Variants in MICAL3 observed in about 807,000 individuals in gnomAD.
MICAL3 encodes the protein [F-actin]-monooxygenase MICAL3.
MICAL3 carries 62 observed loss-of-function variants against 207.4 expected under a neutral mutation model. The observed-to-expected ratio is 0.30, with a 90% CI of 0.24 to 0.37. MICAL3 has a LOEUF of 0.37. Among genes scored for constraint, MICAL3 ranks in the 10% least tolerant of loss-of-function variants. The probability of loss-of-function intolerance (pLI) is 1.00; values close to 1 mark genes in which losing one functional copy is unlikely to be tolerated. For synonymous variants in MICAL3, 1,077 were observed against 1,069.3 expected (o/e 1.01, Z -0.14); for missense variants, 2,368 against 2,635.6 (o/e 0.90, Z 2.22).
chr22:17,882,778 A>G (rs1017051683), intron 16 of MICAL3, among the ~76,000 whole-genome samples: 1 of 152,168 alleles, frequency 6.6e-6, no homozygotes, highest in African/African-American at 2.4e-5. Flanking sequence ...ACATCTGCCC[A>G]GCTACTGTCT....
chr22:17,818,210 G>C lies in MICAL3; in HGVS notation c.4451C>G (p.Ser1484Trp), dbSNP rs949530829. 1 of 1,549,934 alleles carries C rather than the reference G, an allele frequency of 6.5e-7. No homozygotes were observed. Among genetic ancestry groups the C allele is most frequent in the Non-Finnish European group, 8.7e-7 (1 of 1,154,440 alleles). The change falls in exon 26 of 32, where the codon TCG (serine) becomes TGG (tryptophan). Residue 1484 changes from serine to tryptophan, a missense_variant. Around this residue, in one of 4 missense-constraint regions of MICAL3, gnomAD observed 1,770 missense variants for 1,863.2 expected, o/e 0.95. Coordinates refer to ENST00000441493, the MANE Select transcript of MICAL3 (RefSeq NM_015241.3). ...RKLREAEPNA[S>W]VVPPPLPATW... ...GGCGGGCAAGGGCGGCGGGACCACC[G>C]AGGCATTGGGCTCGGCCTCCCTGAG...
chr22:17,874,080 C>T (rs1485850468), intron 16 of MICAL3, among the ~76,000 whole-genome samples: 5 of 152,288 alleles, frequency 3.3e-5, no homozygotes, highest in Admixed American at 1.3e-4. Context: ...GGGAAGCAGG[C>T]GCTCGAGGGG....
In MICAL3 at chr22:17,899,333, T is replaced by C. The variant is rs749228599; in HGVS notation, c.948+115A>G. ...GAAAACATCAGGGGTTACCAGAAGA[T>C]GCATTCAGTGCTCATTTTCATTCCC... On this transcript the variant is annotated intron_variant, in intron 7 of 31. Coordinates refer to ENST00000441493, the MANE Select transcript of MICAL3 (RefSeq NM_015241.3). The C allele has an allele frequency of 9.4e-6, 7 of 741,994 alleles. No individual in the cohort carries two copies. The South Asian group carries it at 1.0e-4, about 11-fold the overall frequency. The allele number at this position is 741,994 out of a possible 1,614,324, so 46.0% of individuals were successfully genotyped here.
chr22:17,839,281 G>A (rs1923744934), intron 20 of MICAL3, among the ~76,000 whole-genome samples: 1 of 51,018 alleles, frequency 2.0e-5, no homozygotes, highest in Non-Finnish European at 3.5e-5. Context: ...TTTTTGAGAC[G>A]AAGTCTCCCT....
intron 1 of MICAL3, among the ~76,000 whole-genome samples, chr22:18,023,461 T>C (rs1023120401): frequency 6.6e-6 from 1 of 152,126 alleles, no homozygotes; most frequent in African/African-American, 2.4e-5. Context: ...TCTAAATAGT[T>C]GATCACAGTG....
chr22:17,821,978 T>C (rs1386810040), intron 24 of MICAL3, 52 bp downstream of exon 24: 5 of 1,596,364 alleles, frequency 3.1e-6, no homozygotes, highest in Admixed American at 3.4e-5. Context: ...TGTGTGCATA[T>C]GGCCCTCGTA....
At chr22:17,801,794 T>C (rs564531826) in intron 29 of MICAL3, among the ~76,000 whole-genome samples, 146 of 152,150 alleles carry the variant, frequency 9.6e-4, no homozygotes, top group African/African-American at 3.3e-3. Context: ...CTCGGGAGGC[T>C]GAGGCAGGAG....
At chr22:17,980,218 A>G (rs996345726) in intron 1 of MICAL3, among the ~76,000 whole-genome samples, 1 of 152,214 alleles carries the variant, frequency 6.6e-6, no homozygotes, top group African/African-American at 2.4e-5. Context: ...GTCTGGCTAG[A>G]GGCCGAATTA....
At chr22:18,001,908 G>C (rs1291651807) in intron 1 of MICAL3, among the ~76,000 whole-genome samples, 1 of 152,160 alleles carries the variant, frequency 6.6e-6, no homozygotes, top group Admixed American at 6.6e-5. Flanking sequence ...ATTTAAAGGG[G>C]ACTTGTTGGC....
intron 19 of MICAL3, chr22:17,864,123 T>TCTACATAATTCTTCC (rs1926809293): frequency 1.0e-6 from 1 of 986,666 alleles, no homozygotes; most frequent in Non-Finnish European, 1.2e-6. Context: ...TTAAGGAAAA[T>TCTACATAATTCTTCC]CTACATAATT....
chr22:18,018,326 A>G (rs1924202412), intron 1 of MICAL3, among the ~76,000 whole-genome samples: 1 of 152,162 alleles, frequency 6.6e-6, no homozygotes, highest in Non-Finnish European at 1.5e-5. Flanking sequence ...TTCAACTCCA[A>G]TTTCTGTCGG....
intron 1 of MICAL3, among the ~76,000 whole-genome samples, chr22:17,929,472 G>A (rs138682907): frequency 9.9e-4 from 150 of 151,548 alleles, no homozygotes; most frequent in Non-Finnish European, 1.5e-3. Context: ...AAAAAAGACC[G>A]ATAAGTAACA....
chr22:17,790,947 G>A (rs2061817801), intron 31 of MICAL3, 31 bp from the exon 32 acceptor site: 1 of 1,613,104 alleles, frequency 6.2e-7, no homozygotes, highest in Non-Finnish European at 8.5e-7. Context: ...GAGGTGAGGG[G>A]CCTGGAGGTG....
intron 19 of MICAL3, chr22:17,860,213 A>C: frequency 1.0e-6 from 1 of 983,310 alleles, no homozygotes; most frequent in South Asian, 4.7e-5. Flanking sequence ...GTTAAAAAAA[A>C]AATTAAAAGC....
intron 13 of MICAL3, among the ~76,000 whole-genome samples, chr22:17,887,991 G>T (rs1344873935): frequency 6.6e-6 from 1 of 152,170 alleles, no homozygotes; most frequent in African/African-American, 2.4e-5. Context: ...GAATATATGG[G>T]CTGGAAAGCA....
chr22:17,895,259 G>A, intron 10 of MICAL3, 25 bp downstream of exon 10: 1 of 1,611,380 alleles, frequency 6.2e-7, no homozygotes, highest in Non-Finnish European at 8.5e-7. Context: ...GGGCCCAGAT[G>A]TAAATACTGA....
chr22:17,808,996 AC>A, intron 28 of MICAL3, 59 bp from the exon 29 acceptor site: 1 of 1,367,912 alleles, frequency 7.3e-7, no homozygotes, highest in Non-Finnish European at 1.0e-6. Context: ...AGGAGGACAC[AC>A]AACTCCACAC....
chr22:17,833,257 G>A (rs1923006378), intron 20 of MICAL3, among the ~76,000 whole-genome samples: 1 of 152,214 alleles, frequency 6.6e-6, no homozygotes. Flanking sequence ...AGATGTTTCT[G>A]AGTGTTTCGT....
chr22:17,818,190 G>T lies in MICAL3; in HGVS notation c.4471C>A (p.Pro1491Thr). 2 of 1,565,542 alleles carry T rather than the reference G, an allele frequency of 1.3e-6. No individual in the cohort carries two copies. ...CGGGGGGGCCGCATCCAGGTGGCGGGCAAGGGCGGCGGGACCACCGAGGCA... is the reference window on the plus strand; with the variant it reads ...CGGGGGGGCCGCATCCAGGTGGCGGTCAAGGGCGGCGGGACCACCGAGGCA... ...PNASVVPPPL[P>T]ATWMRPPREP... Residue 1491 changes from proline (P) to threonine (T), a missense_variant, in exon 26 of 32, where the codon CCC (proline) becomes ACC (threonine). Pro to Thr is a conservative substitution (Grantham distance 38). Around this residue, in one of 4 missense-constraint regions of MICAL3, gnomAD observed 1,770 missense variants for 1,863.2 expected, o/e 0.95. Transcript: ENST00000441493.
Sources: gnomAD v4.1 joint callset for allele counts (sites outside exome capture counted in the v4.1 genomes callset) on GRCh38, gnomAD v4.1.1 for gene constraint, gnomAD v4.1.1 regional missense constraint, MANE v1.5 for transcripts, NCBI Gene and HGNC (gene_info 2026-07-23, HGNC 2026-07-21) for gene names.